The following LMX1B variants were observed in gnomAD, a reference collection of about 807,000 sequenced individuals.
The protein encoded by LMX1B is LIM homeobox transcription factor 1 beta, also known as LIM homeobox transcription factor 1-beta.
In LMX1B, 12 loss-of-function variants were observed where a neutral mutation model predicts 51.4. The observed-to-expected ratio is 0.23, with a 90% CI of 0.15 to 0.38. The LOEUF (loss-of-function observed/expected upper bound fraction) is 0.38, where lower values mean the gene tolerates loss of function less well. Ranked by LOEUF, LMX1B falls within the 10% of genes least tolerant of loss-of-function variation. The pLI, the probability that LMX1B is intolerant of heterozygous loss-of-function variation, is 1.00. For synonymous variants in LMX1B, 237 were observed against 235.4 expected (o/e 1.01, Z -0.06); for missense variants, 445 against 571.1 (o/e 0.78, Z 2.25).
chr9:126,614,857 G>T (rs1835271513), intron 1 of LMX1B, among the ~76,000 whole-genome samples: 1 of 152,130 alleles, frequency 6.6e-6, no homozygotes, highest in Admixed American at 6.5e-5. Context: ...GGTAGGTGGC[G>T]GGTGGCAGGG....
At chr9:126,680,032 C>T (rs2118964089) in intron 2 of LMX1B, among the ~76,000 whole-genome samples, 1 of 152,346 alleles carries the variant, frequency 6.6e-6, no homozygotes, top group Non-Finnish European at 1.5e-5. Context: ...CTATTCTGGC[C>T]ATGCAGGGCC....
chr9:126,665,501 G>T (rs906775894), intron 2 of LMX1B, among the ~76,000 whole-genome samples: 4 of 152,238 alleles, frequency 2.6e-5, no homozygotes, highest in Non-Finnish European at 4.4e-5. Flanking sequence ...GGCGGCCACC[G>T]GCCAGCGGGG....
rs769166707 is a variant in LMX1B at position 126,693,107 on chromosome 9, C to T, written c.560-35C>T. On this transcript the variant is annotated intron_variant, in intron 3 of 7. Coordinates refer to ENST00000373474, the MANE Select transcript of LMX1B (RefSeq NM_001174147.2). ...AAGGCTGAGGCCTGGGCTGCCCCCG[C>T]CCCTTCATCACAGGCCGGGTTGTGT... is the stretch of plus-strand genomic sequence containing the variant. 9 of 1,545,366 alleles carry T rather than the reference C, an allele frequency of 5.8e-6. No homozygotes were observed. The South Asian group carries it at 1.1e-4, about 18-fold the overall frequency.
In LMX1B at chr9:126,626,491, G is replaced by A. The variant is rs1339358503; in HGVS notation, c.326+10922G>A. ...AAGTATGGGACGGGCAGGCGAGAGC[G>A]GGGAAGGGGACCGATGGAGCCAGAA... On this transcript the variant is annotated intron_variant, in intron 2 of 7. Coordinates refer to ENST00000373474, the MANE Select transcript of LMX1B (RefSeq NM_001174147.2). This position sits in a 1 kb window ranked among gnomAD's most constrained non-coding sequence, Gnocchi z 4.3. Among the ~76,000 whole-genome samples the A allele has an allele frequency of 1.3e-5, 2 of 152,168 alleles. No individual in the cohort carries two copies. Among genetic ancestry groups the A allele is most frequent in the Non-Finnish European group, 2.9e-5 (2 of 68,020 alleles).
At chr9:126,668,687 C>T (rs1020313750) in intron 2 of LMX1B, among the ~76,000 whole-genome samples, 2 of 152,124 alleles carry the variant, frequency 1.3e-5, no homozygotes, top group African/African-American at 2.4e-5. Context: ...CTCCTGACCT[C>T]AGGTGATCCA....
chr9:126,655,163 G>A (rs1160458222), intron 2 of LMX1B, among the ~76,000 whole-genome samples: 1 of 152,234 alleles, frequency 6.6e-6, no homozygotes, highest in Admixed American at 6.5e-5. Flanking sequence ...TCAACTTTTT[G>A]GAGGTGCCCA....
At chr9:126,652,533 A>G (rs1446627424) in intron 2 of LMX1B, among the ~76,000 whole-genome samples, 2 of 152,182 alleles carry the variant, frequency 1.3e-5, no homozygotes, top group Admixed American at 6.5e-5. Context: ...TGTGCATCCC[A>G]TGGTCTTCGT....
At chr9:126,667,265 AC>A (rs1691386268) in intron 2 of LMX1B, among the ~76,000 whole-genome samples, 1 of 152,192 alleles carries the variant, frequency 6.6e-6, no homozygotes. Flanking sequence ...ACTTAGCAAC[AC>A]GCTGAGAACA....
rs112375232 is a variant in LMX1B at position 126,696,966 on chromosome 9, A to G, written c.*515A>G. The G allele has an allele frequency of 9.2e-3, 1,640 of 178,058 alleles. 20 individuals are homozygous for G. Among genetic ancestry groups the G allele is most frequent in the African/African-American group, 0.027 (1,137 of 42,080 alleles). The allele number at this position is 178,058 out of a possible 1,614,324, so 11.0% of individuals were successfully genotyped here. The stretch of plus-strand genomic sequence containing the variant: ...CAGCCTGAGTCTGGAGCAGCAGTGG[A>G]GAGGGGCCTGAGGGGAGGCACTGTC... On this transcript the variant is annotated 3_prime_UTR_variant, in exon 8 of 8. Coordinates refer to ENST00000373474, the MANE Select transcript of LMX1B (RefSeq NM_001174147.2).
chr9:126,679,349 T>C (rs1379406229), intron 2 of LMX1B, among the ~76,000 whole-genome samples: 4 of 151,830 alleles, frequency 2.6e-5, no homozygotes, highest in African/African-American at 9.7e-5. Flanking sequence ...ATTTGTGAGC[T>C]GGATGGAGGC....
intron 2 of LMX1B, among the ~76,000 whole-genome samples, chr9:126,636,775 C>T (rs1019807920): frequency 2.0e-5 from 3 of 152,098 alleles, no homozygotes; most frequent in South Asian, 2.1e-4. Flanking sequence ...ACCCAGCATC[C>T]GGCACAGGGA....
chr9:126,680,749 C>G (rs113464850), intron 2 of LMX1B, among the ~76,000 whole-genome samples: 2 of 152,202 alleles, frequency 1.3e-5, no homozygotes, highest in African/African-American at 4.8e-5. Flanking sequence ...ATTGAATTCA[C>G]TAGTGAAGGG....
At chr9:126,650,821 C>G (rs890515850) in intron 2 of LMX1B, among the ~76,000 whole-genome samples, 2 of 152,186 alleles carry the variant, frequency 1.3e-5, no homozygotes. Flanking sequence ...GGAAACTGCT[C>G]GCCATACCTA....
Position 126,626,919 on chromosome 9 carries a change from C to T in LMX1B, c.326+11350C>T, listed in dbSNP as rs1031064851. ...GACAACGCAGATGGTTCCTATCAGC[C>T]CGGCCGGGCCCGCAGCGTCCGCCGG... On this transcript the variant is annotated intron_variant, in intron 2 of 7. Transcript: ENST00000373474. This position sits in a 1 kb window ranked among gnomAD's most constrained non-coding sequence, Gnocchi z 4.3. Among the ~76,000 whole-genome samples the T allele has an allele frequency of 1.3e-5, 2 of 152,216 alleles. No individual in the cohort carries two copies. The highest frequency in any genetic ancestry group is 2.9e-5 in the Non-Finnish European group (2 of 68,034).
At chr9:126,663,598 A>T (rs1365528698) in intron 2 of LMX1B, among the ~76,000 whole-genome samples, 1 of 152,250 alleles carries the variant, frequency 6.6e-6, no homozygotes, top group Non-Finnish European at 1.5e-5. Flanking sequence ...CTAAAATGAG[A>T]TAAACACATA....
chr9:126,681,712 C>T (rs1194914420), intron 2 of LMX1B, among the ~76,000 whole-genome samples: 1 of 151,992 alleles, frequency 6.6e-6, no homozygotes, highest in Non-Finnish European at 1.5e-5. Context: ...ACCAGCCTGG[C>T]CAACATAGTG....
chr9:126,619,314 G>C (rs1259053019), intron 2 of LMX1B, among the ~76,000 whole-genome samples: 8 of 152,160 alleles, frequency 5.3e-5, no homozygotes, highest in Admixed American at 5.2e-4. Flanking sequence ...TCCCGCGTTC[G>C]GGTGTGGCCC....
rs369831428 is a variant in LMX1B, at chr9:126,695,881, C to T, written c.929C>T (p.Thr310Met). Residue 310 changes from threonine (T) to methionine (M), a missense_variant, in exon 7 of 8, where the codon ACG (threonine) becomes ATG (methionine). Thr to Met is a moderately conservative substitution (Grantham distance 81). Transcript: ENST00000373474. The surrounding 1 kb of genome is among the most constrained non-coding windows in gnomAD (Gnocchi z 5.2). ...SRMEGMMASY[T>M]PLAPPQQQIV... ...ATGGAGGGCATGATGGCTTCCTACA[C>T]GCCGCTGGCCCCACCACAGCAGCAG... The T allele has an allele frequency of 4.6e-5, 75 of 1,613,262 alleles. No individual in the cohort carries two copies. The highest frequency in any genetic ancestry group is 6.1e-5 in the Non-Finnish European group (72 of 1,179,780).
At chr9:126,646,343 T>TCCATCTACCTACCCATCCAC (rs1334483435) in intron 2 of LMX1B, among the ~76,000 whole-genome samples, 1 of 112,722 alleles carries the variant, frequency 8.9e-6, no homozygotes, top group Non-Finnish European at 1.7e-5. Flanking sequence ...TACCCATCCA[T>TCCATCTACCTACCCATCCAC]CCATCTACCT....
Sources: gnomAD v4.1 joint callset for allele counts (sites outside exome capture counted in the v4.1 genomes callset) on GRCh38, gnomAD v4.1.1 for gene constraint, Gnocchi (gnomAD v3.1) non-coding constraint, MANE v1.5 for transcripts, NCBI Gene and HGNC (gene_info 2026-07-23, HGNC 2026-07-21) for gene names.